Variants in CTPS1 observed in about 807,000 individuals in gnomAD.
CTPS1 encodes CTP synthetase 1.
In CTPS1, 25 loss-of-function variants were observed where a neutral mutation model predicts 80.5. The ratio of observed to expected loss-of-function variants is 0.31; its 90% confidence interval spans 0.23 to 0.43. The LOEUF (loss-of-function observed/expected upper bound fraction) is 0.43, where lower values mean the gene tolerates loss of function less well. Among genes scored for constraint, CTPS1 ranks in the 20% least tolerant of loss-of-function variants. CTPS1 has a pLI of 1.00. For missense variants in CTPS1, 442 were observed against 725.7 expected (o/e 0.61, Z 4.49); for synonymous variants, 267 against 252.5 (o/e 1.06, Z -0.54).
intron 9 of CTPS1, among the ~76,000 whole-genome samples, chr1:40,999,031 G>T (rs1642832976): frequency 4.6e-5 from 7 of 152,184 alleles, no homozygotes; most frequent in Admixed American, 4.6e-4. Context: ...GGATGAAAAG[G>T]CAACGGTCTC....
At chr1:40,981,329 A>G (rs1476813507) in intron 1 of CTPS1, 1 of 152,264 alleles carries the variant, frequency 6.6e-6, no homozygotes, top group Non-Finnish European at 1.5e-5. Context: ...CAAGAATCTA[A>G]AGAGAGAAAC....
intron 5 of CTPS1, among the ~76,000 whole-genome samples, chr1:40,990,953 A>G (rs986729259): frequency 6.6e-6 from 1 of 152,088 alleles, no homozygotes; most frequent in African/African-American, 2.4e-5. Flanking sequence ...GAAAGGGGAG[A>G]GTGGGTGAGG....
At chr1:41,003,506 A>G (rs1168671437) in intron 12 of CTPS1, among the ~76,000 whole-genome samples, 2 of 152,184 alleles carry the variant, frequency 1.3e-5, no homozygotes, top group South Asian at 2.1e-4. Context: ...TTGGGCAGTT[A>G]TTATGAGAAC....
At chr1:40,998,396 TAAA>T (rs56282224) in intron 9 of CTPS1, among the ~76,000 whole-genome samples, 10 of 64,604 alleles carry the variant, frequency 1.5e-4, no homozygotes, top group South Asian at 7.0e-4. Context: ...AGACTCTGTC[TAAA>T]AAAAAAAAAA....
At chr1:40,982,801 G>T (rs1156642867) in intron 1 of CTPS1, among the ~76,000 whole-genome samples, 1 of 152,152 alleles carries the variant, frequency 6.6e-6, no homozygotes, top group East Asian at 1.9e-4. Flanking sequence ...GTGTTTTCTT[G>T]ATGATATGTT....
chr1:40,997,186 G>A, intron 8 of CTPS1: 1 of 536,440 alleles, frequency 1.9e-6, no homozygotes, highest in Middle Eastern at 5.0e-4. Flanking sequence ...AGGCTGTAGT[G>A]CAGTGGTGCA....
intron 3 of CTPS1, among the ~76,000 whole-genome samples, chr1:40,986,717 G>A (rs190279689): frequency 6.6e-6 from 1 of 152,290 alleles, no homozygotes; most frequent in African/African-American, 2.4e-5. Context: ...GCAATTGCTG[G>A]CATTCTTTGA....
In CTPS1 at chr1:40,986,339, G is replaced by C. The variant is rs1312688427; in HGVS notation, c.338-1033G>C. On this transcript the variant is annotated intron_variant, in intron 3 of 18. Transcript: ENST00000650070. The stretch of plus-strand genomic sequence containing the variant: ...GGGCTACGAAGGCGTGGTTGGTCCG[G>C]GAATGGAGGGGAGGCCGGCATAGCT... Among the ~76,000 whole-genome samples the C allele has an allele frequency of 2.0e-5, 3 of 152,206 alleles. No individual in the cohort carries two copies. The East Asian group carries it at 5.8e-4, about 29-fold the overall frequency.
Position 41,010,231 on chromosome 1 carries a change from A to G in CTPS1, c.1762A>G (p.Ile588Val), listed in dbSNP as rs747353209. 1.9e-6 allele frequency: 3 copies of G among 1,613,002 alleles called. No homozygotes were observed. The highest frequency in any genetic ancestry group is 1.3e-5 in the African/African-American group (1 of 74,922). ...SEITELKFPS[I>V]NHD is the part of the protein sequence containing the mutation. ...AATCACCGAACTGAAGTTTCCATCA[A>G]TAAATCATGACTGATCTTGTAGCGT... The change falls in exon 18 of 19, where the codon ATA (isoleucine) becomes GTA (valine). Residue 588 changes from isoleucine to valine, a missense_variant. Around this residue, in one of 4 missense-constraint regions of CTPS1, gnomAD observed 321 missense variants for 467.2 expected, o/e 0.69. Transcript: ENST00000650070.
intron 17 of CTPS1, among the ~76,000 whole-genome samples, 155 bp downstream of exon 17, chr1:41,009,744 A>T (rs991602593): frequency 6.6e-6 from 1 of 152,198 alleles, no homozygotes; most frequent in African/African-American, 2.4e-5. Flanking sequence ...GAGCTTTCTC[A>T]CGGTGTTTCC....
chr1:41,002,067 C>A, intron 10 of CTPS1, 93 bp from the exon 11 acceptor site: 1 of 1,074,336 alleles, frequency 9.3e-7, no homozygotes, highest in Non-Finnish European at 1.5e-6. Context: ...TAATTCATGG[C>A]TTCAGTGTCT....
At chr1:41,005,611 A>G (rs1643014861) in intron 12 of CTPS1, among the ~76,000 whole-genome samples, 1 of 152,146 alleles carries the variant, frequency 6.6e-6, no homozygotes, top group Admixed American at 6.5e-5. Flanking sequence ...TTTATGTCTT[A>G]AAAATGCTAT....
rs563580307 is a variant in CTPS1 at position 40,991,412 on chromosome 1, A to G, written c.639+164A>G. Among the ~76,000 whole-genome samples the G allele has an allele frequency of 2.0e-5, 3 of 152,338 alleles. No individual in the cohort carries two copies. The South Asian group carries it at 6.2e-4, about 32-fold the overall frequency. On this transcript the variant is annotated intron_variant, in intron 6 of 18. Coordinates refer to ENST00000650070, the MANE Select transcript of CTPS1 (RefSeq NM_001905.4). ...CCGGGCTGTAGTTTGCAAGATGTTC[A>G]TACTTAGAGCGTGTTAGGTCTTGTA... is the stretch of plus-strand genomic sequence containing the variant.
chr1:40,997,663 G>C (rs1305364983), intron 9 of CTPS1, 137 bp downstream of exon 9: 3 of 1,139,976 alleles, frequency 2.6e-6, no homozygotes, highest in Non-Finnish European at 2.4e-6. Context: ...GGATTAAAAA[G>C]ATTTGTGGTT....
rs1484408900 is a variant in CTPS1 at position 40,995,961 on chromosome 1, G to A, written c.765G>A (p.Leu255=). 6.2e-7 allele frequency: 1 copy of A among 1,614,092 alleles called. No individual in the cohort carries two copies. The highest frequency in any genetic ancestry group is 1.3e-5 in the African/African-American group (1 of 74,928). Residue 255 remains leucine, a synonymous_variant, in exon 8 of 19, where the codon TTG becomes TTA. Transcript: ENST00000650070. The stretch of plus-strand genomic sequence containing the variant: ...TCTCATCCATCTACCGAGTCCCCTT[G>A]TTGTTAGAGGAGCAAGGGGTTGTAG... ...HDVSSIYRVP[L]LLEEQGVVDY... is the part of the protein sequence containing the mutation.
intron 8 of CTPS1, chr1:40,997,143 G>A (rs188968912): frequency 8.1e-5 from 32 of 394,948 alleles, no homozygotes; most frequent in Middle Eastern, 6.4e-4. Context: ...TTTTTGTGGG[G>A]GTTTTTTGAG....
chr1:40,985,044 T>C, intron 3 of CTPS1, 53 bp downstream of exon 3: 1 of 1,322,808 alleles, frequency 7.6e-7, no homozygotes, highest in South Asian at 1.9e-5. Flanking sequence ...TTTAATTTCT[T>C]CTCCCTCCCA....
chr1:40,984,741 G>A, intron 2 of CTPS1, 80 bp from the exon 3 acceptor site: 1 of 1,104,940 alleles, frequency 9.1e-7, no homozygotes, highest in Non-Finnish European at 1.2e-6. Context: ...TTGTTAATGA[G>A]TGTTTTATTT....
At chr1:41,002,396 T>G in intron 11 of CTPS1, 142 bp downstream of exon 11, 2 of 670,890 alleles carry the variant, frequency 3.0e-6, no homozygotes, top group Non-Finnish European at 2.6e-6. Flanking sequence ...AGCCTTCATG[T>G]TTTCTCTTTA....
Sources: allele counts gnomAD v4.1 joint callset (sites outside exome capture counted in the v4.1 genomes callset), GRCh38; gene constraint gnomAD v4.1.1; regional missense constraint gnomAD v4.1.1; transcripts MANE v1.5; gene names NCBI Gene and HGNC (gene_info 2026-07-23, HGNC 2026-07-21).